Variants in KIF13A observed in about 807,000 individuals in gnomAD.
KIF13A encodes kinesin family member 13A.
Under a neutral mutation model 212.2 loss-of-function variants are expected in KIF13A, and 79 were observed. The observed-to-expected ratio is 0.37, with a 90% CI of 0.31 to 0.45. KIF13A has a LOEUF of 0.45. Among genes scored for constraint, KIF13A ranks in the 20% least tolerant of loss-of-function variants. The pLI is 1.00. For missense variants in KIF13A, 1,901 were observed against 2,209.0 expected (o/e 0.86, Z 2.79); for synonymous variants, 789 against 808.6 (o/e 0.98, Z 0.41).
intron 3 of KIF13A, among the ~76,000 whole-genome samples, chr6:17,891,422 C>T (rs981116495): frequency 6.6e-6 from 1 of 152,172 alleles, no homozygotes; most frequent in African/African-American, 2.4e-5. Flanking sequence ...ACTTTTAAAA[C>T]TCAGCTGGAA....
At chr6:17,869,076 G>T (rs993104346) in intron 4 of KIF13A, among the ~76,000 whole-genome samples, 1 of 148,638 alleles carries the variant, frequency 6.7e-6, no homozygotes, top group Non-Finnish European at 1.5e-5. Context: ...AATGTGAATG[G>T]CTTAACAAAT....
At chr6:17,770,843 G>A (rs990417465) in intron 38 of KIF13A, 1 of 725,748 alleles carries the variant, frequency 1.4e-6, no homozygotes, top group African/African-American at 1.9e-5. Flanking sequence ...AGATCTCTTT[G>A]TTACACTTTT....
chr6:17,774,266 A>T (rs1037406151), intron 35 of KIF13A, among the ~76,000 whole-genome samples: 6 of 152,072 alleles, frequency 3.9e-5, no homozygotes, highest in Non-Finnish European at 8.8e-5. Context: ...GTATTCAAGA[A>T]ATATTTGTTG....
intron 28 of KIF13A, among the ~76,000 whole-genome samples, chr6:17,784,066 GA>G (rs1313487277): frequency 6.6e-6 from 1 of 152,170 alleles, no homozygotes; most frequent in East Asian, 1.9e-4. Context: ...AGGACAGAAT[GA>G]AAGATGTGTG....
chr6:17,841,576 T>C (rs187751540), intron 9 of KIF13A, among the ~76,000 whole-genome samples: 5 of 152,312 alleles, frequency 3.3e-5, no homozygotes. Context: ...GGTGGAGCTG[T>C]ATGGAAGTGT....
intron 3 of KIF13A, among the ~76,000 whole-genome samples, chr6:17,887,254 CAT>C (rs1190552984): frequency 1.3e-5 from 2 of 152,136 alleles, no homozygotes; most frequent in East Asian, 3.9e-4. Flanking sequence ...AGATTGAAGT[CAT>C]ATGGTATACA....
chr6:17,784,512 G>A (rs1760881063), intron 28 of KIF13A, among the ~76,000 whole-genome samples: 1 of 152,092 alleles, frequency 6.6e-6, no homozygotes, highest in Non-Finnish European at 1.5e-5. Flanking sequence ...CTTTAGAAAT[G>A]CAAATTCTTA....
chr6:17,908,028 G>A (rs140764773), intron 2 of KIF13A, among the ~76,000 whole-genome samples: 1 of 152,242 alleles, frequency 6.6e-6, no homozygotes, highest in East Asian at 1.9e-4. Context: ...CTCACCGTGT[G>A]TAAGTTAAGA....
chr6:17,987,317 G>T lies in KIF13A; in HGVS notation c.55+92C>A. On this transcript the variant is annotated intron_variant, in intron 1 of 38. Coordinates refer to ENST00000259711, the MANE Select transcript of KIF13A (RefSeq NM_022113.6). The surrounding 1 kb of genome is among the most constrained non-coding windows in gnomAD (Gnocchi z 7.7). Reference sequence around the variant, plus strand: ...GCCTCCGCCCCGGCCCCCCGGCCCCGGCCGCGCTCTCGCCGTCCCGGCCCC... The same window carrying T: ...GCCTCCGCCCCGGCCCCCCGGCCCCTGCCGCGCTCTCGCCGTCCCGGCCCC... 1 of 1,023,268 alleles carries T rather than the reference G, an allele frequency of 9.8e-7. No individual in the cohort carries two copies. Among genetic ancestry groups the T allele is most frequent in the Non-Finnish European group, 1.3e-6 (1 of 786,140 alleles). The allele number at this position is 1,023,268 out of a possible 1,614,324, so 63.4% of individuals were successfully genotyped here. A position where few individuals can be genotyped will look rare whatever the true frequency, so the allele number is the denominator to read the frequency against.
chr6:17,855,190 C>CAA lies in KIF13A; in HGVS notation c.494+245_494+246dup, dbSNP rs145420248. On this transcript the variant is annotated intron_variant, in intron 6 of 38. Transcript: ENST00000259711. The surrounding 1 kb of genome is among the most constrained non-coding windows in gnomAD (Gnocchi z 4.1). ...AATTTTTGTGAATAGTTCATGGTGGCAAAAAAAAATACCAATAGTAAAAAC... is the reference window on the plus strand; with the variant it reads ...AATTTTTGTGAATAGTTCATGGTGGCAAAAAAAAAAATACCAATAGTAAAAAC... Among the ~76,000 whole-genome samples, 1 of 148,940 alleles carries CAA rather than the reference C, an allele frequency of 6.7e-6. No homozygotes were observed. Among genetic ancestry groups the CAA allele is most frequent in the Non-Finnish European group, 1.5e-5 (1 of 67,232 alleles).
rs1779445858 is a variant in KIF13A at position 17,967,695 on chromosome 6, T to C, written c.146+19359A>G. ...TCTCCAAAGGAAAGACCTGCAGTGT[T>C]AGGTTTCCTCCTGCTCCCAACTGCC... On this transcript the variant is annotated intron_variant, in intron 2 of 38. Coordinates refer to ENST00000259711, the MANE Select transcript of KIF13A (RefSeq NM_022113.6). This position sits in a 1 kb window ranked among gnomAD's most constrained non-coding sequence, Gnocchi z 4.1. 6.6e-6 allele frequency among the ~76,000 whole-genome samples: 1 copy of C among 152,152 alleles called. No individual in the cohort carries two copies. The highest frequency in any genetic ancestry group is 6.5e-5 in the Admixed American group (1 of 15,270).
Position 17,872,302 on chromosome 6 carries a change from G to T in KIF13A, c.220+1075C>A, listed in dbSNP as rs1340766051. On this transcript the variant is annotated intron_variant, in intron 4 of 38. Transcript: ENST00000259711. This position sits in a 1 kb window ranked among gnomAD's most constrained non-coding sequence, Gnocchi z 4.7. Reference sequence around the variant, plus strand: ...GTGCTTTTACCTCCAAATCTTTTAAGGCCAATATCCTCCCTTCATTTTTTT... The same window carrying T: ...GTGCTTTTACCTCCAAATCTTTTAATGCCAATATCCTCCCTTCATTTTTTT... Among the ~76,000 whole-genome samples the T allele has an allele frequency of 6.6e-6, 1 of 152,070 alleles. No individual in the cohort carries two copies. Among genetic ancestry groups the T allele is most frequent in the South Asian group, 2.1e-4 (1 of 4,828 alleles).
intron 2 of KIF13A, among the ~76,000 whole-genome samples, chr6:17,927,496 G>C (rs2150530294): frequency 6.6e-6 from 1 of 152,262 alleles, no homozygotes; most frequent in South Asian, 2.1e-4. Context: ...CAGTTCCCAG[G>C]GGCTTGGTTG....
intron 22 of KIF13A, among the ~76,000 whole-genome samples, chr6:17,798,251 A>C (rs1172966622): frequency 1.3e-5 from 2 of 152,206 alleles, no homozygotes; most frequent in East Asian, 1.9e-4. Context: ...AAAAACTCCA[A>C]GATCATAAGA....
chr6:17,984,386 T>C lies in KIF13A; in HGVS notation c.146+2668A>G. On this transcript the variant is annotated intron_variant, in intron 2 of 38. Transcript: ENST00000259711. This position sits in a 1 kb window ranked among gnomAD's most constrained non-coding sequence, Gnocchi z 5.0. ...AATGGTATTTTAAGAAACAAATCCATGTGTCTTAATGTTTCAGAATGGTGA... is the reference window on the plus strand; with the variant it reads ...AATGGTATTTTAAGAAACAAATCCACGTGTCTTAATGTTTCAGAATGGTGA... The C allele has an allele frequency of 6.6e-6, 2 of 304,386 alleles. No homozygotes were observed. Among genetic ancestry groups the C allele is most frequent in the Non-Finnish European group, 9.6e-6 (2 of 207,468 alleles). The allele number at this position is 304,386 out of a possible 1,614,324, so 18.9% of individuals were successfully genotyped here. A position where few individuals can be genotyped will look rare whatever the true frequency, so the allele number is the denominator to read the frequency against.
chr6:17,829,189 C>T lies in KIF13A; in HGVS notation c.1402-819G>A, dbSNP rs940508111. On this transcript the variant is annotated intron_variant, in intron 13 of 38. Transcript: ENST00000259711. This position sits in a 1 kb window ranked among gnomAD's most constrained non-coding sequence, Gnocchi z 5.4. ...CTTGAACTCCTGGCCTCAAGTGATCCGCCCGCCTTGGTCTCCCAAAGTTCT... is the reference window on the plus strand; with the variant it reads ...CTTGAACTCCTGGCCTCAAGTGATCTGCCCGCCTTGGTCTCCCAAAGTTCT... Among the ~76,000 whole-genome samples, 1 of 152,146 alleles carries T rather than the reference C, an allele frequency of 6.6e-6. No individual in the cohort carries two copies. The highest frequency in any genetic ancestry group is 1.5e-5 in the Non-Finnish European group (1 of 68,012).
Position 17,780,790 on chromosome 6 carries a change from G to A in KIF13A, c.3786C>T (p.His1262=). 6.2e-7 allele frequency: 1 copy of A among 1,614,020 alleles called. No individual in the cohort carries two copies. The highest frequency in any genetic ancestry group is 8.5e-7 in the Non-Finnish European group (1 of 1,179,878). The change falls in exon 31 of 39, where the codon CAC becomes CAT. Residue 1262 remains histidine (H), a synonymous_variant. Coordinates refer to ENST00000259711, the MANE Select transcript of KIF13A (RefSeq NM_022113.6). ...GTAATACTAACTCCATAGCAGCAGGGTGGCTGAGTTGAACTGTGGTTTTCA... is the reference window on the plus strand; with the variant it reads ...GTAATACTAACTCCATAGCAGCAGGATGGCTGAGTTGAACTGTGGTTTTCA... The part of the protein sequence containing the change: ...LIVKTTVQLS[H]PAAMELVLRK...
At position 17,772,506 on chromosome 6, in the gene KIF13A, A is replaced by C. The variant is rs1213341536; in HGVS notation, c.4325-447T>G. ...ACAGATGTAGGCAAGAATAGACATAAATCTGTGATGTCACAAAGAGTTACT... is the reference window on the plus strand; with the variant it reads ...ACAGATGTAGGCAAGAATAGACATACATCTGTGATGTCACAAAGAGTTACT... On this transcript the variant is annotated intron_variant, in intron 36 of 38. Coordinates refer to ENST00000259711, the MANE Select transcript of KIF13A (RefSeq NM_022113.6). This position sits in a 1 kb window ranked among gnomAD's most constrained non-coding sequence, Gnocchi z 4.8. Among the ~76,000 whole-genome samples the C allele has an allele frequency of 6.6e-6, 1 of 152,204 alleles. No homozygotes were observed. The highest frequency in any genetic ancestry group is 1.9e-4 in the East Asian group (1 of 5,196).
intron 31 of KIF13A, 137 bp downstream of exon 31, chr6:17,780,593 T>C: frequency 1.3e-6 from 1 of 766,632 alleles, no homozygotes; most frequent in Middle Eastern, 3.4e-4. Flanking sequence ...CTTGGATAAA[T>C]GAGAATCAGA....
Sources: gnomAD v4.1 joint callset for allele counts (sites outside exome capture counted in the v4.1 genomes callset) on GRCh38, gnomAD v4.1.1 for gene constraint, Gnocchi (gnomAD v3.1) non-coding constraint, MANE v1.5 for transcripts, NCBI Gene and HGNC (gene_info 2026-07-23, HGNC 2026-07-21) for gene names.